Variants in SATB2 observed in about 807,000 individuals in gnomAD.
The protein encoded by SATB2 is DNA-binding protein SATB2.
Under a neutral mutation model 73.4 loss-of-function variants are expected in SATB2, and 1 was observed. The observed-to-expected ratio is 0.01, with a 90% CI of 0.00 to 0.06. SATB2 has a LOEUF of 0.06. Ranked by LOEUF, SATB2 falls within the 10% of genes least tolerant of loss-of-function variation. SATB2 has a pLI of 1.00. For missense variants in SATB2, 459 were observed against 945.8 expected (o/e 0.49, Z 6.75); for synonymous variants, 397 against 367.0 (o/e 1.08, Z -0.93).
rs547971628 is a variant in SATB2 at position 199,360,311 on chromosome 2, T to A, written c.700+8294A>T. Among the ~76,000 whole-genome samples, 148 of 152,240 alleles carry A rather than the reference T, an allele frequency of 9.7e-4. 1 individual carries two copies. Among genetic ancestry groups the A allele is most frequent in the Admixed American group, 3.3e-3 (51 of 15,292 alleles). On this transcript the variant is annotated intron_variant, in intron 6 of 10. Coordinates refer to ENST00000417098, the MANE Select transcript of SATB2 (RefSeq NM_001172509.2). Reference sequence around the variant, plus strand: ...CCCCCATCACATCTATGTTTTTGAGTTTTTTTATTCTGTTTCTGGGCAGGA... The same window carrying A: ...CCCCCATCACATCTATGTTTTTGAGATTTTTTATTCTGTTTCTGGGCAGGA...
At chr2:199,450,005 C>T (rs1271424181) in intron 2 of SATB2, among the ~76,000 whole-genome samples, 1 of 151,984 alleles carries the variant, frequency 6.6e-6, no homozygotes, top group African/African-American at 2.4e-5. Context: ...TAGGTTATTT[C>T]TCTGTTTTTT....
intron 10 of SATB2, among the ~76,000 whole-genome samples, chr2:199,305,981 A>G (rs1474544465): frequency 6.6e-6 from 1 of 152,206 alleles, no homozygotes; most frequent in Non-Finnish European, 1.5e-5. Context: ...TTCCTATCTA[A>G]TTAGACAAAA....
At chr2:199,365,183 G>T (rs1234389718) in intron 6 of SATB2, among the ~76,000 whole-genome samples, 2 of 151,394 alleles carry the variant, frequency 1.3e-5, no homozygotes, top group Non-Finnish European at 2.9e-5. Context: ...TATTAATATT[G>T]GTCTTTTTTC....
chr2:199,339,806 T>A lies in SATB2; in HGVS notation c.1173+8895A>T, dbSNP rs536557678. Among the ~76,000 whole-genome samples the A allele has an allele frequency of 3.9e-5, 6 of 152,344 alleles. No individual in the cohort carries two copies. The South Asian group carries it at 1.2e-3, about 32-fold the overall frequency. On this transcript the variant is annotated intron_variant, in intron 7 of 10. Coordinates refer to ENST00000417098, the MANE Select transcript of SATB2 (RefSeq NM_001172509.2). Reference sequence around the variant, plus strand: ...GCCAACCTTTGGCTAACAATATGTATAACTCAAACAAAGGAGTTAAAAGAG... The same window carrying A: ...GCCAACCTTTGGCTAACAATATGTAAAACTCAAACAAAGGAGTTAAAAGAG...
At chr2:199,465,106 CTCTT>C (rs1051662189) in exon 1 of SATB2, 1 of 152,268 alleles carries the variant, frequency 6.6e-6, no homozygotes, top group African/African-American at 2.4e-5. Context: ...CTCTCTCTCT[CTCTT>C]TCTCATTCAG....
chr2:199,386,239 G>A (rs751927002), intron 3 of SATB2, among the ~76,000 whole-genome samples: 4 of 152,108 alleles, frequency 2.6e-5, no homozygotes, highest in East Asian at 1.9e-4. Context: ...TGAAATGCTC[G>A]AATGAGCATT....
intron 7 of SATB2, among the ~76,000 whole-genome samples, chr2:199,345,600 C>T (rs537305713): frequency 1.3e-5 from 2 of 152,304 alleles, no homozygotes; most frequent in East Asian, 1.9e-4. Flanking sequence ...AGGCATCAGG[C>T]TTGAAGCCTG....
intron 3 of SATB2, among the ~76,000 whole-genome samples, chr2:199,397,195 T>C (rs961173450): frequency 1.3e-5 from 2 of 152,236 alleles, no homozygotes; most frequent in African/African-American, 4.8e-5. Context: ...CACAGAAATA[T>C]ACCTTGAATT....
rs1215897631 is a variant in SATB2, at chr2:199,463,605, G to C, written c.-141+1231C>G. On this transcript the variant is annotated intron_variant, in intron 1 of 11. Transcript: ENST00000260926. This position sits in a 1 kb window ranked among gnomAD's most constrained non-coding sequence, Gnocchi z 6.4. Reference sequence around the variant, plus strand: ...GCTGAGGCCGAAACCTTCGGCGCCGGCTCTGCCGGTCGCGTCCCGGAGCCA... The same window carrying C: ...GCTGAGGCCGAAACCTTCGGCGCCGCCTCTGCCGGTCGCGTCCCGGAGCCA... Among the ~76,000 whole-genome samples the C allele has an allele frequency of 1.3e-5, 2 of 152,186 alleles. No individual in the cohort carries two copies. The highest frequency in any genetic ancestry group is 1.5e-5 in the Non-Finnish European group (1 of 68,032).
In SATB2 at chr2:199,380,539, G is replaced by C. The variant is rs2105866111; in HGVS notation, c.474-52C>G. 1.9e-6 allele frequency: 3 copies of C among 1,599,360 alleles called. No individual in the cohort carries two copies. In the East Asian group the frequency reaches 6.7e-5, roughly 36 times the overall value. On this transcript the variant is annotated intron_variant, in intron 4 of 10. Transcript: ENST00000417098. ...TACACAAACCTCAACCAGGGTCCCT[G>C]ACTGAAGAGGAGACACTGCAGCAGC... is the stretch of plus-strand genomic sequence containing the variant.
intron 10 of SATB2, among the ~76,000 whole-genome samples, chr2:199,292,547 G>A (rs1692900514): frequency 6.6e-6 from 1 of 152,154 alleles, no homozygotes; most frequent in African/African-American, 2.4e-5. Flanking sequence ...GATAATAAAT[G>A]CTTATTCAGA....
chr2:199,451,948 T>C lies in SATB2; in HGVS notation c.169+3921A>G, dbSNP rs78006118. On this transcript the variant is annotated intron_variant, in intron 2 of 10. Coordinates refer to ENST00000417098, the MANE Select transcript of SATB2 (RefSeq NM_001172509.2). ...TACTTCAGGTAGACTAGTTATAAGA[T>C]AACTTTAACAGACAGTATGCCAACA... Among the ~76,000 whole-genome samples, 163 of 152,252 alleles carry C rather than the reference T, an allele frequency of 1.1e-3. 3 individuals carry two copies. In the East Asian group the frequency reaches 0.029, roughly 27 times the overall value.
At chr2:199,394,425 C>T (rs913611928) in intron 3 of SATB2, among the ~76,000 whole-genome samples, 4 of 152,098 alleles carry the variant, frequency 2.6e-5, no homozygotes, top group Non-Finnish European at 5.9e-5. Context: ...ATATAAAACC[C>T]GGTAAGAAAG....
chr2:199,386,636 T>G (rs531378816), intron 3 of SATB2, among the ~76,000 whole-genome samples: 26 of 151,952 alleles, frequency 1.7e-4, no homozygotes, highest in African/African-American at 6.3e-4. Context: ...TAACCCCAAT[T>G]TGAAAAATGA....
At chr2:199,408,582 G>A (rs886883968) in intron 3 of SATB2, among the ~76,000 whole-genome samples, 1 of 150,536 alleles carries the variant, frequency 6.6e-6, no homozygotes, top group Non-Finnish European at 1.5e-5. Context: ...CATTGAAAGG[G>A]TAAAAACCGC....
At chr2:199,385,318 G>A (rs1188885859) in intron 3 of SATB2, among the ~76,000 whole-genome samples, 1 of 152,048 alleles carries the variant, frequency 6.6e-6, no homozygotes, top group African/African-American at 2.4e-5. Context: ...TATTTTTATA[G>A]AGACAGGGTT....
chr2:199,383,668 A>C (rs1689843387), intron 3 of SATB2, among the ~76,000 whole-genome samples: 1 of 152,182 alleles, frequency 6.6e-6, no homozygotes, highest in Non-Finnish European at 1.5e-5. Flanking sequence ...TTGGTTACTA[A>C]GACTAAGCAA....
At position 199,376,204 on chromosome 2, in the gene SATB2, AC is replaced by A. The variant is rs1206111116; in HGVS notation, c.597+4159del. On this transcript the variant is annotated intron_variant, in intron 5 of 10. Transcript: ENST00000417098. ...ATATCAGAAGCCTAAATCAAATCTC[AC>A]CCAAATCTAAACAACAGATATGAGC... Among the ~76,000 whole-genome samples the A allele has an allele frequency of 2.6e-5, 4 of 152,100 alleles. 1 individual carries two copies. The East Asian group carries it at 7.7e-4, about 29-fold the overall frequency.
upstream of SATB2, chr2:199,458,761 G>GCCTCCGCCCACCACCCACCGCCTCCGCC (rs1364473945): frequency 3.7e-6 from 1 of 272,504 alleles, no homozygotes; most frequent in Non-Finnish European, 7.3e-6. Context: ...CCCACCCACC[G>GCCTCCGCCCACCACCCACCGCCTCCGCC]CCTCCGCCCA....
Sources: allele counts gnomAD v4.1 joint callset (sites outside exome capture counted in the v4.1 genomes callset), GRCh38; gene constraint gnomAD v4.1.1; non-coding constraint Gnocchi (gnomAD v3.1); transcripts MANE v1.5; gene names NCBI Gene and HGNC (gene_info 2026-07-23, HGNC 2026-07-21).